The following EZH1 variants were observed in gnomAD, a reference collection of about 807,000 sequenced individuals.
The protein encoded by EZH1 is histone-lysine N-methyltransferase EZH1.
Under a neutral mutation model 100.5 loss-of-function variants are expected in EZH1, and 33 were observed. The ratio of observed to expected loss-of-function variants is 0.33; its 90% CI spans 0.25 to 0.44. EZH1 has a LOEUF of 0.44. Among genes scored for constraint, EZH1 ranks in the 20% least tolerant of loss-of-function variants. EZH1 has a pLI of 1.00. For synonymous variants in EZH1, 272 were observed against 313.8 expected (o/e 0.87, Z 1.41); for missense variants, 475 against 928.4 (o/e 0.51, Z 6.35).
chr17:42,718,615 TACCTATTTAAGAA>T lies in EZH1; in HGVS notation c.768-11_769del. 6.2e-7 allele frequency: 1 copy of T among 1,614,136 alleles called. No homozygotes were observed. ...GTCTGACATCTCTGTTAGTTCTCGA[TACCTATTTAAGAA>T]AAGAGAGATAAGAGTTCCTCCGAGG... On this transcript the variant is annotated splice_acceptor_variant and splice_polypyrimidine_tract_variant and coding_sequence_variant and intron_variant, in exon 9 of 21. Transcript: ENST00000428826. LOFTEE classifies it high-confidence loss of function. The surrounding 1 kb of genome is among the most constrained non-coding windows in gnomAD (Gnocchi z 4.2).
chr17:42,724,907 G>A (rs1437885331), intron 4 of EZH1, among the ~76,000 whole-genome samples: 1 of 152,104 alleles, frequency 6.6e-6, no homozygotes, highest in Non-Finnish European at 1.5e-5. Flanking sequence ...GGTGGCTCAC[G>A]CCTGTAATCC....
rs559648657 is a variant in EZH1 at position 42,744,408 on chromosome 17, G to C, written c.-103+603C>G. Among the ~76,000 whole-genome samples, 3 of 152,304 alleles carry C rather than the reference G, an allele frequency of 2.0e-5. No individual in the cohort carries two copies. In the South Asian group the frequency reaches 6.2e-4, roughly 32 times the overall value. On this transcript the variant is annotated intron_variant, in intron 1 of 20. Transcript: ENST00000428826. The stretch of plus-strand genomic sequence containing the variant: ...GAGATTCTTGCTCAGGGCCAGGCCT[G>C]GGGTGAGGCGACCGAGGCACCCAGG...
intron 5 of EZH1, 90 bp from the exon 6 acceptor site, chr17:42,723,005 T>C: frequency 1.4e-6 from 2 of 1,479,528 alleles, no homozygotes; most frequent in Non-Finnish European, 1.8e-6. Flanking sequence ...GCTTTGTTTG[T>C]TGCTTGAGTC....
At chr17:42,738,884 C>A (rs181475965) in intron 1 of EZH1, among the ~76,000 whole-genome samples, 1 of 151,808 alleles carries the variant, frequency 6.6e-6, no homozygotes, top group African/African-American at 2.4e-5. Flanking sequence ...CTCCACCCCC[C>A]CTGAGTAGCT....
intron 1 of EZH1, among the ~76,000 whole-genome samples, chr17:42,741,089 T>A (rs2054167212): frequency 6.6e-6 from 1 of 152,246 alleles, no homozygotes; most frequent in African/African-American, 2.4e-5. Flanking sequence ...TTATCTTCAC[T>A]TTTCTCCACA....
chr17:42,711,416 T>C (rs1226580219), intron 12 of EZH1, among the ~76,000 whole-genome samples: 1 of 152,056 alleles, frequency 6.6e-6, no homozygotes, highest in Non-Finnish European at 1.5e-5. Context: ...GAGGCTGCAG[T>C]GAGCTGAGAT....
intron 2 of EZH1, among the ~76,000 whole-genome samples, chr17:42,729,840 C>T (rs968087428): frequency 1.3e-5 from 2 of 151,806 alleles, no homozygotes; most frequent in African/African-American, 4.8e-5. Flanking sequence ...GAGTTCAAGA[C>T]CAGCCTGGCC....
intron 1 of EZH1, among the ~76,000 whole-genome samples, chr17:42,742,556 A>G (rs2054195908): frequency 6.6e-6 from 1 of 152,154 alleles, no homozygotes; most frequent in Non-Finnish European, 1.5e-5. Flanking sequence ...GCATACAAGT[A>G]CTCTGCCAGT....
chr17:42,735,706 G>C (rs570483812), intron 1 of EZH1, among the ~76,000 whole-genome samples: 1 of 152,250 alleles, frequency 6.6e-6, no homozygotes, highest in South Asian at 2.1e-4. Flanking sequence ...GTGAGCAGAA[G>C]GCTGGATGTG....
rs770961875 is a variant in EZH1, at chr17:42,727,690, C to T, written c.191G>A (p.Arg64His). The T allele has an allele frequency of 5.3e-5, 86 of 1,608,634 alleles. No individual in the cohort carries two copies. Among genetic ancestry groups the T allele is most frequent in the Non-Finnish European group, 6.9e-5 (81 of 1,178,368 alleles). ...QILNEEWKKLRVQPVQSMKPV... is the reference protein window; with the variant it reads ...QILNEEWKKLHVQPVQSMKPV... ...CTTCATTGACTGAACAGGTTGGACA[C>T]GAAGCTTCTTCCATTCTTCATTGAG... Residue 64 changes from arginine to histidine, a missense_variant, in exon 4 of 21, where the codon CGT becomes CAT. By Grantham distance (29) the Arg-to-His change is conservative (BLOSUM62 0). This residue lies in a region of EZH1 where 105 missense variants were observed against 129.8 expected (regional missense o/e 0.81). Transcript: ENST00000428826.
chr17:42,735,546 G>A lies in EZH1; in HGVS notation c.-102-4628C>T, dbSNP rs142977367. ...AAAACAGCACTTATATTCCAGTTAG[G>A]TACTTAGCTAGTACTTAACAGCCTT... On this transcript the variant is annotated intron_variant, in intron 1 of 20. Coordinates refer to ENST00000428826, the MANE Select transcript of EZH1 (RefSeq NM_001991.5). 5.9e-5 allele frequency among the ~76,000 whole-genome samples: 9 copies of A among 152,166 alleles called. No homozygotes were observed. In the East Asian group the frequency reaches 1.5e-3, roughly 26 times the overall value.
In EZH1 at chr17:42,713,107, A is replaced by G. The variant is rs550192682; in HGVS notation, c.1204+102T>C. On this transcript the variant is annotated intron_variant, in intron 11 of 20. Transcript: ENST00000428826. ...TTTACAAAACTTGTAGAAAGAATTTATAATTTTTAAGAGGTAGTAAAGTTA... is the reference window on the plus strand; with the variant it reads ...TTTACAAAACTTGTAGAAAGAATTTGTAATTTTTAAGAGGTAGTAAAGTTA... The G allele has an allele frequency of 5.8e-5, 56 of 970,274 alleles. No individual in the cohort carries two copies. In the African/African-American group the frequency reaches 9.6e-4, roughly 17 times the overall value. 60.1% of individuals were successfully genotyped at this position (970,274 alleles called of 1,614,324 possible). A position where few individuals can be genotyped will look rare whatever the true frequency, so the allele number is the denominator to read the frequency against.
intron 1 of EZH1, 142 bp from the exon 2 acceptor site, chr17:42,731,060 A>T (rs914850996): frequency 1.2e-5 from 2 of 165,616 alleles, no homozygotes; most frequent in South Asian, 3.9e-4. Flanking sequence ...ACAGGTCCCT[A>T]TAATACTTGA....
At chr17:42,713,424 C>G (rs2053528833) in intron 10 of EZH1, 35 bp from the exon 11 acceptor site, 2 of 1,561,218 alleles carry the variant, frequency 1.3e-6, no homozygotes, top group East Asian at 2.3e-5. Flanking sequence ...GAAATAGGAA[C>G]AGGCCCATCA....
At chr17:42,727,786 T>G in intron 3 of EZH1, 23 bp from the exon 4 acceptor site, 1 of 1,537,026 alleles carries the variant, frequency 6.5e-7, no homozygotes, top group East Asian at 2.5e-5. Flanking sequence ...TGGAAAAGAT[T>G]AAGATATATT....
At chr17:42,719,241 G>A (rs767544259) in intron 7 of EZH1, 34 bp from the exon 8 acceptor site, 19 of 1,487,250 alleles carry the variant, frequency 1.3e-5, no homozygotes, top group East Asian at 2.3e-5. Flanking sequence ...TCCTGAGTGC[G>A]ATTATCAGAA....
chr17:42,711,786 G>A (rs2053487451), intron 12 of EZH1, among the ~76,000 whole-genome samples: 1 of 152,154 alleles, frequency 6.6e-6, no homozygotes, highest in Admixed American at 6.6e-5. Context: ...ACTCCAGCCT[G>A]GGCGACACAG....
chr17:42,714,474 G>C (rs1460685280), intron 10 of EZH1: 1 of 298,944 alleles, frequency 3.3e-6, no homozygotes, highest in African/African-American at 2.2e-5. Context: ...TGTGCTATGA[G>C]ACCTAAAGTT....
rs112029711 is a variant in EZH1, at chr17:42,704,971, G to A, written c.1935+117C>T. On this transcript the variant is annotated intron_variant, in intron 17 of 20. Transcript: ENST00000428826. ...CTGTGGGATCTCCCCAAGAGGCCAC[G>A]TGAGAACACAGCTGAGTTATTTAGA... The A allele has an allele frequency of 9.0e-4, 814 of 904,136 alleles. 3 individuals carry two copies. In the African/African-American group the frequency reaches 0.012, roughly 13 times the overall value. The allele number at this position is 904,136 out of a possible 1,614,324, so 56.0% of individuals were successfully genotyped here.
Sources: allele counts gnomAD v4.1 joint callset (sites outside exome capture counted in the v4.1 genomes callset), GRCh38; gene constraint gnomAD v4.1.1; regional missense constraint gnomAD v4.1.1; non-coding constraint Gnocchi (gnomAD v3.1); transcripts MANE v1.5; gene names NCBI Gene and HGNC (gene_info 2026-07-23, HGNC 2026-07-21).